Variants in TAGAP observed in about 807,000 individuals in gnomAD.
TAGAP encodes T cell activation RhoGTPase activating protein.
A neutral mutation model predicts 36.0 loss-of-function variants in TAGAP; 16 were observed. That is an observed-to-expected ratio of 0.44 (90% CI 0.30 to 0.68). TAGAP has a LOEUF of 0.68. Ranked by LOEUF, TAGAP falls within the 30% of genes least tolerant of loss-of-function variation. TAGAP has a pLI of 0.09. For synonymous variants in TAGAP, 372 were observed against 377.4 expected, an observed-to-expected ratio of 0.99 and a Z score of 0.17; for missense variants, 794 against 921.5, an observed-to-expected ratio of 0.86 and a Z score of 1.79.
In TAGAP at chr6:159,036,056, G is replaced by T; in HGVS notation, c.1967C>A (p.Pro656His). The T allele has an allele frequency of 6.2e-7, 1 of 1,612,402 alleles. No homozygotes were observed. Among genetic ancestry groups the T allele is most frequent in the Non-Finnish European group, 8.5e-7 (1 of 1,178,604 alleles). The change falls in exon 10 of 10, where the codon CCT becomes CAT. Residue 656 changes from proline (P) to histidine (H), a missense_variant. Transcript: ENST00000367066. The surrounding 1 kb of genome is among the most constrained non-coding windows in gnomAD (Gnocchi z 4.9). ...SRHRGSKEPL[P>H]GHGLSPLPER... is the part of the protein sequence containing the mutation. ...AGGCAGGGGAGAGAGTCCGTGGCCA[G>T]GGAGTGGCTCTTTGCTGCCCCTGTG...
chr6:159,041,967 A>G lies in TAGAP; in HGVS notation c.315+111T>C. ...AGTGCCATGTTGAAGAGTGGAAAAT[A>G]TGGAAGATCAGTCCCTACAAACTTA... On this transcript the variant is annotated intron_variant, in intron 5 of 9. Coordinates refer to ENST00000367066, the MANE Select transcript of TAGAP (RefSeq NM_054114.5). The surrounding 1 kb of genome is among the most constrained non-coding windows in gnomAD (Gnocchi z 4.1). 1.6e-6 allele frequency: 2 copies of G among 1,223,250 alleles called. No individual in the cohort carries two copies. Among genetic ancestry groups the G allele is most frequent in the Non-Finnish European group, 2.3e-6 (2 of 868,026 alleles). 75.8% of individuals were successfully genotyped at this position (1,223,250 alleles called of 1,614,324 possible). A position where few individuals can be genotyped will look rare whatever the true frequency, so the allele number is the denominator to read the frequency against.
Position 159,036,497 on chromosome 6 carries a change from A to G in TAGAP, c.1526T>C (p.Met509Thr). ...KPSREIKKHS[M>T]SFTFAPHKKV... ...TTTGTGAGGGGCAAAGGTGAAAGAC[A>G]TGGAGTGCTTTTTAATTTCTCGGCT... The change falls in exon 10 of 10, where the codon ATG becomes ACG. Residue 509 changes from methionine to threonine, a missense_variant. By Grantham distance (81) the Met-to-Thr change is moderately conservative. Coordinates refer to ENST00000367066, the MANE Select transcript of TAGAP (RefSeq NM_054114.5). The surrounding 1 kb of genome is among the most constrained non-coding windows in gnomAD (Gnocchi z 4.9). The G allele has an allele frequency of 6.2e-7, 1 of 1,613,980 alleles. No homozygotes were observed. The highest frequency in any genetic ancestry group is 8.5e-7 in the Non-Finnish European group (1 of 1,179,980).
Position 159,036,239 on chromosome 6 carries a change from GAGGGTGGGCTTCCAGGCC to G in TAGAP, c.1766_1783del (p.Arg589_Ser595delinsThr). The G allele has an allele frequency of 6.2e-7, 1 of 1,612,326 alleles. No homozygotes were observed. Among genetic ancestry groups the G allele is most frequent in the Non-Finnish European group, 8.5e-7 (1 of 1,179,974 alleles). The stretch of plus-strand genomic sequence containing the variant: ...CGGGCCCTGCATGGCCTCTTCATAA[GAGGGTGGGCTTCCAGGCC>G]TCTCCCAGTCAGCTCCCTGGAACAC... On this transcript the variant is annotated inframe_deletion, in exon 10 of 10. Transcript: ENST00000367066. The surrounding 1 kb of genome is among the most constrained non-coding windows in gnomAD (Gnocchi z 4.9).
In TAGAP at chr6:159,041,179, G is replaced by A. The variant is rs557487980; in HGVS notation, c.477+175C>T. The A allele has an allele frequency of 5.0e-6, 4 of 797,662 alleles. No individual in the cohort carries two copies. The highest frequency in any genetic ancestry group is 1.7e-5 in the African/African-American group (1 of 57,270). 49.4% of individuals were successfully genotyped at this position (797,662 alleles called of 1,614,324 possible). Reference sequence around the variant, plus strand: ...GCATCACTTTCTGTTGGAATCTGAGGTCACAGAAACAGAGGTGCTTACTAA... The same window carrying A: ...GCATCACTTTCTGTTGGAATCTGAGATCACAGAAACAGAGGTGCTTACTAA... On this transcript the variant is annotated intron_variant, in intron 6 of 9. Transcript: ENST00000367066. This position sits in a 1 kb window ranked among gnomAD's most constrained non-coding sequence, Gnocchi z 4.1.
In TAGAP at chr6:159,039,407, G is replaced by A; in HGVS notation, c.588-98C>T. On this transcript the variant is annotated intron_variant, in intron 7 of 9. Transcript: ENST00000367066. ...GCCGAAACCAGACTTCCTTTAAAAT[G>A]AGGAAGGTGCATTTTCACAAGTAAT... is the stretch of plus-strand genomic sequence containing the variant. The A allele has an allele frequency of 2.4e-6, 3 of 1,266,360 alleles. No homozygotes were observed. The South Asian group carries it at 4.1e-5, about 17-fold the overall frequency. The allele number at this position is 1,266,360 out of a possible 1,614,324, so 78.4% of individuals were successfully genotyped here.
chr6:159,041,668 A>T lies in TAGAP; in HGVS notation c.316-153T>A, dbSNP rs1332204714. 2.4e-6 allele frequency: 2 copies of T among 850,838 alleles called. No homozygotes were observed. The highest frequency in any genetic ancestry group is 3.4e-6 in the Non-Finnish European group (2 of 580,740). The allele number at this position is 850,838 out of a possible 1,614,324, so 52.7% of individuals were successfully genotyped here. On this transcript the variant is annotated intron_variant, in intron 5 of 9. Coordinates refer to ENST00000367066, the MANE Select transcript of TAGAP (RefSeq NM_054114.5). This position sits in a 1 kb window ranked among gnomAD's most constrained non-coding sequence, Gnocchi z 4.1. ...CCCTGCTATTTTTCTAAGAGGAGGC[A>T]AATTGTGAAAGCTCTAATTTTGCAC...
rs929233921 is a variant in TAGAP at position 159,041,951 on chromosome 6, T to C, written c.315+127A>G. 1.9e-6 allele frequency: 2 copies of C among 1,065,086 alleles called. No individual in the cohort carries two copies. Among genetic ancestry groups the C allele is most frequent in the African/African-American group, 1.6e-5 (1 of 62,860 alleles). The allele number at this position is 1,065,086 out of a possible 1,614,324, so 66.0% of individuals were successfully genotyped here. On this transcript the variant is annotated intron_variant, in intron 5 of 9. Transcript: ENST00000367066. The surrounding 1 kb of genome is among the most constrained non-coding windows in gnomAD (Gnocchi z 4.1). ...TGCACGCGTATGTGGGAGTGCCATG[T>C]TGAAGAGTGGAAAATATGGAAGATC...
At chr6:159,042,691 T>G (rs1194761594) in intron 4 of TAGAP, 1 of 158,642 alleles carries the variant, frequency 6.3e-6, no homozygotes, top group Admixed American at 6.1e-5. Context: ...GGAAGTGACT[T>G]GCTGAATATC....
Position 159,036,956 on chromosome 6 carries a change from T to C in TAGAP, c.1067A>G (p.Glu356Gly). Residue 356 changes from glutamate to glycine, a missense_variant, in exon 10 of 10, where the codon GAG (glutamate) becomes GGG (glycine). By Grantham distance (98) the Glu-to-Gly change is moderately conservative. Coordinates refer to ENST00000367066, the MANE Select transcript of TAGAP (RefSeq NM_054114.5). The surrounding 1 kb of genome is among the most constrained non-coding windows in gnomAD (Gnocchi z 4.9). ...CCTGGCCACGGTGCTCACAATGGGC[T>C]CTGGGCTGACCTCTCGGGCATCCTG... ...GPQDAREVSP[E>G]PIVSTVARLK... is the part of the protein sequence containing the mutation. 6.2e-7 allele frequency: 1 copy of C among 1,613,916 alleles called. No homozygotes were observed. Among genetic ancestry groups the C allele is most frequent in the Non-Finnish European group, 8.5e-7 (1 of 1,179,906 alleles).
chr6:159,040,706 T>G lies in TAGAP; in HGVS notation c.587+17A>C. ...GGTGATGTGGCCTGGCAATGACCGA[T>G]GACTTTGATGACTTACTGTTTCAGG... is the stretch of plus-strand genomic sequence containing the variant. On this transcript the variant is annotated intron_variant, in intron 7 of 9. Transcript: ENST00000367066. 2 of 1,605,960 alleles carry G rather than the reference T, an allele frequency of 1.2e-6. No individual in the cohort carries two copies. Among genetic ancestry groups the G allele is most frequent in the Non-Finnish European group, 1.7e-6 (2 of 1,172,792 alleles).
At chr6:159,040,401 G>GTTAAAGTTCTCAGGTCTGAT (rs1779704164) in intron 7 of TAGAP, among the ~76,000 whole-genome samples, 1 of 152,182 alleles carries the variant, frequency 6.6e-6, no homozygotes, top group African/African-American at 2.4e-5. Flanking sequence ...GTGAGCCTGT[G>GTTAAAGTTCTCAGGTCTGAT]TTAAAGTTCT....
At chr6:159,039,973 ATAATCT>A (rs1249191450) in intron 7 of TAGAP, among the ~76,000 whole-genome samples, 1 of 152,238 alleles carries the variant, frequency 6.6e-6, no homozygotes, top group Non-Finnish European at 1.5e-5. Context: ...ACTCATTGTG[ATAATCT>A]TAGAATTTTC....
intron 8 of TAGAP, 93 bp downstream of exon 8, chr6:159,039,021 T>C: frequency 2.5e-6 from 4 of 1,598,990 alleles, no homozygotes; most frequent in Non-Finnish European, 2.6e-6. Flanking sequence ...TCTGAGTCAG[T>C]TGGAGACATT....
At chr6:159,040,934 GCCCAT>G in intron 6 of TAGAP, 102 bp from the exon 7 acceptor site, 1 of 825,694 alleles carries the variant, frequency 1.2e-6, no homozygotes, top group Non-Finnish European at 2.0e-6. Flanking sequence ...TCTATGCTTA[GCCCAT>G]CATAGATTGT....
rs1779659812 is a variant in TAGAP at position 159,039,156 on chromosome 6, G to A, written c.741C>T (p.Asp247=). 2 of 1,614,184 alleles carry A rather than the reference G, an allele frequency of 1.2e-6. No individual in the cohort carries two copies. Among genetic ancestry groups the A allele is most frequent in the Admixed American group, 1.7e-5 (1 of 60,012 alleles). ...TCTGGGCTTCAAATGACAGGCTCTG[G>A]TCATTCTCCAGGGTGAGCATGTTGG... ...IGPNMLTLEN[D]QSLSFEAQKD... The change falls in exon 8 of 10, where the codon GAC becomes GAT. Residue 247 remains aspartate (D), a synonymous_variant. Coordinates refer to ENST00000367066, the MANE Select transcript of TAGAP (RefSeq NM_054114.5).
chr6:159,042,780 C>T (rs961986531), intron 4 of TAGAP: 1 of 153,142 alleles, frequency 6.5e-6, no homozygotes, highest in African/African-American at 2.4e-5. Context: ...AGGGAGCTAA[C>T]ACCATTTTTC....
chr6:159,038,051 T>G (rs1779607595), intron 9 of TAGAP, 63 bp downstream of exon 9: 3 of 1,083,470 alleles, frequency 2.8e-6, no homozygotes, highest in Non-Finnish European at 4.2e-6. Flanking sequence ...ATGCTTTACA[T>G]GACTGGCAGA....
At chr6:159,038,069 G>T in intron 9 of TAGAP, 45 bp downstream of exon 9, 2 of 1,318,254 alleles carry the variant, frequency 1.5e-6, no homozygotes, top group South Asian at 1.2e-5. Flanking sequence ...AGACTGGCAT[G>T]AACTTTTCCC....
intron 4 of TAGAP, among the ~76,000 whole-genome samples, chr6:159,043,267 G>A (rs1221374156): frequency 2.0e-5 from 3 of 152,192 alleles, no homozygotes; most frequent in African/African-American, 7.2e-5. Context: ...CATAAGAGAA[G>A]GAAGAAAATG....
Sources: allele counts gnomAD v4.1 joint callset (sites outside exome capture counted in the v4.1 genomes callset), GRCh38; gene constraint gnomAD v4.1.1; non-coding constraint Gnocchi (gnomAD v3.1); transcripts MANE v1.5; gene names NCBI Gene and HGNC (gene_info 2026-07-23, HGNC 2026-07-21).